Variants in SLC9B1 observed in about 807,000 individuals in gnomAD.
The protein encoded by SLC9B1 is solute carrier family 9 member B1.
SLC9B1 carries 32 observed loss-of-function variants against 51.7 expected under a neutral mutation model. That is an observed-to-expected ratio of 0.62 (90% CI 0.47 to 0.83). The LOEUF is 0.83. Among genes scored for constraint, SLC9B1 ranks in the 40% least tolerant of loss-of-function variants. The probability of loss-of-function intolerance (pLI) is 0.00; values close to 1 mark genes in which losing one functional copy is unlikely to be tolerated. For missense variants in SLC9B1, 406 were observed against 613.2 expected (o/e 0.66, Z 3.57); for synonymous variants, 145 against 212.7 (o/e 0.68, Z 2.77).
At chr4:102,979,917 C>T (rs1247752834) in intron 3 of SLC9B1, among the ~76,000 whole-genome samples, 1 of 151,930 alleles carries the variant, frequency 6.6e-6, no homozygotes, top group Non-Finnish European at 1.5e-5. Context: ...CAAACAACCC[C>T]ATTAAAAAGT....
intron 7 of SLC9B1, among the ~76,000 whole-genome samples, chr4:102,913,185 G>A (rs1479355299): frequency 2.6e-5 from 4 of 152,234 alleles, no homozygotes; most frequent in East Asian, 1.9e-4. Flanking sequence ...AGACTGGAAC[G>A]GAATAGTTTT....
intron 3 of SLC9B1, among the ~76,000 whole-genome samples, chr4:102,968,390 T>A (rs1181093570): frequency 6.6e-6 from 1 of 152,144 alleles, no homozygotes; most frequent in Non-Finnish European, 1.5e-5. Context: ...ATAAAACTTC[T>A]AGGAAAAAAA....
At chr4:102,968,945 C>T (rs1312472543) in intron 3 of SLC9B1, among the ~76,000 whole-genome samples, 1 of 152,178 alleles carries the variant, frequency 6.6e-6, no homozygotes, top group Non-Finnish European at 1.5e-5. Context: ...CGCAGCAGTC[C>T]GAGATGGAAT....
intron 3 of SLC9B1, among the ~76,000 whole-genome samples, chr4:102,950,917 C>A (rs1313141924): frequency 3.3e-5 from 5 of 152,158 alleles, no homozygotes; most frequent in African/African-American, 1.2e-4. Context: ...ATTGCTTAAA[C>A]CCAGGAGGCA....
At chr4:102,923,312 C>T (rs6533033) in intron 7 of SLC9B1, among the ~76,000 whole-genome samples, 83,035 of 150,960 alleles carry the variant, frequency 0.55, 23,262 homozygotes, top group African/African-American at 0.69. Context: ...AGACAAAAAC[C>T]ACATGATTAT....
downstream of SLC9B1, among the ~76,000 whole-genome samples, chr4:102,899,637 C>T (rs1255805721): frequency 6.6e-6 from 1 of 152,062 alleles, no homozygotes; most frequent in African/African-American, 2.4e-5. Context: ...TGGTCTCGAA[C>T]TCCTGACCTC....
rs150140256 is a variant in SLC9B1, at chr4:102,991,324, T to C, written c.69+319A>G. ...ACACACAGCACAACATTTTAATTAA[T>C]CTAGACTTATCTTTACCTCTGTTAG... is the stretch of plus-strand genomic sequence containing the variant. On this transcript the variant is annotated intron_variant, in intron 2 of 11. Transcript: ENST00000296422. Among the ~76,000 whole-genome samples, 10 of 152,164 alleles carry C rather than the reference T, an allele frequency of 6.6e-5. No homozygotes were observed. In the East Asian group the frequency reaches 1.3e-3, roughly 21 times the overall value.
chr4:102,915,716 A>C (rs534562989), intron 7 of SLC9B1, among the ~76,000 whole-genome samples: 3 of 152,350 alleles, frequency 2.0e-5, no homozygotes, highest in Non-Finnish European at 4.4e-5. Flanking sequence ...ATAGAATTTA[A>C]AAAGTAAAAG....
intron 11 of SLC9B1, among the ~76,000 whole-genome samples, chr4:102,885,909 T>C (rs1165781026): frequency 2.0e-5 from 3 of 152,200 alleles, no homozygotes; most frequent in Admixed American, 2.0e-4. Flanking sequence ...TATGAGGTAG[T>C]AAATGATAGC....
intron 7 of SLC9B1, among the ~76,000 whole-genome samples, chr4:102,919,827 T>A (rs1735775066): frequency 6.6e-6 from 1 of 152,190 alleles, no homozygotes; most frequent in South Asian, 2.1e-4. Context: ...CTGAGATCCA[T>A]CTGCGAGGTG....
intron 3 of SLC9B1, among the ~76,000 whole-genome samples, chr4:102,977,974 A>G (rs1319703880): frequency 1.3e-5 from 2 of 151,816 alleles, no homozygotes; most frequent in Non-Finnish European, 2.9e-5. Flanking sequence ...CCACCCCACA[A>G]CCATCCCTGG....
At chr4:103,016,438 G>A (rs28445579) in intron 1 of SLC9B1, among the ~76,000 whole-genome samples, 82,463 of 151,784 alleles carry the variant, frequency 0.54, 22,930 homozygotes, top group African/African-American at 0.67. Context: ...ATAGTACTAC[G>A]TCAATTTCTG....
chr4:102,902,544 A>G (rs1734838076), intron 11 of SLC9B1, among the ~76,000 whole-genome samples: 1 of 152,114 alleles, frequency 6.6e-6, no homozygotes, highest in Non-Finnish European at 1.5e-5. Context: ...AAAAAACAAA[A>G]ACCAAACCCA....
At chr4:102,985,926 C>A (rs961731752) in intron 3 of SLC9B1, among the ~76,000 whole-genome samples, 2 of 152,134 alleles carry the variant, frequency 1.3e-5, no homozygotes, top group Non-Finnish European at 2.9e-5. Flanking sequence ...TTATTGCTCT[C>A]ATTCATTTCC....
intron 6 of SLC9B1, among the ~76,000 whole-genome samples, chr4:102,943,503 G>A (rs9884397): frequency 0.45 from 54,006 of 119,528 alleles, 9,708 homozygotes; most frequent in African/African-American, 0.55. Context: ...ATATGTGTAT[G>A]TATACACACA....
At chr4:102,892,327 T>G (rs1456758832) in intron 11 of SLC9B1, 1 of 152,258 alleles carries the variant, frequency 6.6e-6, no homozygotes, top group Non-Finnish European at 1.5e-5. Flanking sequence ...CCCAAAGTGC[T>G]GGGATTGCAG....
chr4:102,887,779 A>AT (rs1323476489), intron 11 of SLC9B1: 1 of 169,524 alleles, frequency 5.9e-6, no homozygotes, highest in Non-Finnish European at 1.3e-5. Context: ...TAAATATGTT[A>AT]TTTTTTCATA....
intron 11 of SLC9B1, chr4:102,885,425 A>C: frequency 1.2e-6 from 2 of 1,613,512 alleles, no homozygotes; most frequent in Non-Finnish European, 1.7e-6. Flanking sequence ...TTGGCGTTCT[A>C]AAACGGTAAG....
chr4:102,948,169 A>G, intron 4 of SLC9B1, among the ~76,000 whole-genome samples: 1 of 152,154 alleles, frequency 6.6e-6, no homozygotes, highest in East Asian at 1.9e-4. Flanking sequence ...TTTTACAATA[A>G]TTTGTATTCA....
Sources: allele counts gnomAD v4.1 joint callset (sites outside exome capture counted in the v4.1 genomes callset), GRCh38; gene constraint gnomAD v4.1.1; transcripts MANE v1.5; gene names NCBI Gene and HGNC (gene_info 2026-07-23, HGNC 2026-07-21).